Variants in RYR2 observed in about 807,000 individuals in gnomAD.
RYR2 encodes the protein cardiac muscle ryanodine receptor-calcium release channel.
Under a neutral mutation model 601.1 loss-of-function variants are expected in RYR2, and 227 were observed. That is an observed-to-expected ratio of 0.38 (90% CI 0.34 to 0.42). The LOEUF is 0.42. Among genes scored for constraint, RYR2 ranks in the 10% least tolerant of loss-of-function variants. The pLI is 1.00. For synonymous variants in RYR2, 2,223 were observed against 2,175.1 expected, an observed-to-expected ratio of 1.02 and a Z score of -0.61; for missense variants, 4,646 against 6,156.5, an observed-to-expected ratio of 0.75 and a Z score of 8.21.
chr1:237,268,155 G>A (rs1689254501), intron 1 of RYR2, among the ~76,000 whole-genome samples: 1 of 152,032 alleles, frequency 6.6e-6, no homozygotes, highest in South Asian at 2.1e-4. Flanking sequence ...ACTGTCTTTA[G>A]TTAGTTATTA....
intron 77 of RYR2, among the ~76,000 whole-genome samples, chr1:237,731,065 T>C (rs1249433681): frequency 6.6e-6 from 1 of 152,214 alleles, no homozygotes; most frequent in African/African-American, 2.4e-5. Context: ...ATATAATGGA[T>C]AAATTAATCT....
chr1:237,312,136 A>G (rs1694640192), intron 2 of RYR2, among the ~76,000 whole-genome samples: 1 of 152,206 alleles, frequency 6.6e-6, no homozygotes, highest in African/African-American at 2.4e-5. Flanking sequence ...TTCTTTGGTA[A>G]AAGCAAGGAT....
At chr1:237,554,019 G>T (rs960773630) in intron 27 of RYR2, among the ~76,000 whole-genome samples, 1 of 151,660 alleles carries the variant, frequency 6.6e-6, no homozygotes, top group Non-Finnish European at 1.5e-5. Flanking sequence ...TTGATTTATT[G>T]AACTGGTAAA....
At chr1:237,604,457 CAA>C (rs947941786) in intron 35 of RYR2, among the ~76,000 whole-genome samples, 6 of 152,078 alleles carry the variant, frequency 3.9e-5, no homozygotes, top group African/African-American at 9.7e-5. Context: ...CTAATGCCCA[CAA>C]GAGAGAGCAG....
At chr1:237,116,775 C>T (rs1395430760) in intron 1 of RYR2, among the ~76,000 whole-genome samples, 1 of 152,028 alleles carries the variant, frequency 6.6e-6, no homozygotes, top group Non-Finnish European at 1.5e-5. Flanking sequence ...GATGTCGTAG[C>T]TCAAGCAGTG....
intron 1 of RYR2, among the ~76,000 whole-genome samples, chr1:237,163,355 A>ACCCCCCCCCCC (rs67343728): frequency 2.4e-4 from 22 of 90,312 alleles, no homozygotes; most frequent in African/African-American, 5.3e-4. Flanking sequence ...CCAACCCCCT[A>ACCCCCCCCCCC]CCCCCCCCAC....
intron 84 of RYR2, among the ~76,000 whole-genome samples, chr1:237,768,976 T>C (rs1368113428): frequency 6.6e-6 from 1 of 152,220 alleles, no homozygotes; most frequent in Non-Finnish European, 1.5e-5. Flanking sequence ...CGACAATAAA[T>C]AAAACCTTAT....
intron 58 of RYR2, among the ~76,000 whole-genome samples, chr1:237,669,397 C>T (rs1165901562): frequency 6.6e-6 from 1 of 152,094 alleles, no homozygotes; most frequent in Non-Finnish European, 1.5e-5. Context: ...TTGGGTACAC[C>T]TCCCAGACGG....
At position 237,678,031 on chromosome 1, in the gene RYR2, A is replaced by G. The variant is rs977013627; in HGVS notation, c.8831-17A>G. 1.3e-6 allele frequency: 2 copies of G among 1,546,814 alleles called. No homozygotes were observed. The highest frequency in any genetic ancestry group is 8.9e-7 in the Non-Finnish European group (1 of 1,120,912). On this transcript the variant is annotated splice_polypyrimidine_tract_variant and intron_variant, in intron 60 of 104. Coordinates refer to ENST00000366574, the MANE Select transcript of RYR2 (RefSeq NM_001035.3). ...TTTCCAGTGCAGCATTTACCTAAAA[A>G]CTCTTCAAATCTACAGATGGTGGCA...
At chr1:237,517,078 C>T (rs12745344) in intron 24 of RYR2, among the ~76,000 whole-genome samples, 5 of 152,310 alleles carry the variant, frequency 3.3e-5, no homozygotes, top group Admixed American at 1.3e-4. Context: ...TGACACCCCT[C>T]CTGTTTGTCA....
At chr1:237,335,596 T>G (rs578026321) in intron 3 of RYR2, among the ~76,000 whole-genome samples, 2 of 152,166 alleles carry the variant, frequency 1.3e-5, no homozygotes, top group Non-Finnish European at 2.9e-5. Flanking sequence ...GTCTTTCGGG[T>G]GAATTATTTC....
Position 237,091,352 on chromosome 1 carries a change from G to A in RYR2, c.48+48783G>A, listed in dbSNP as rs181447807. ...CCCTTAGGAAATGACTTACCCTAAG[G>A]AGGGTGCCATTCCCAAATCTCTGTT... On this transcript the variant is annotated intron_variant, in intron 1 of 104. Coordinates refer to ENST00000366574, the MANE Select transcript of RYR2 (RefSeq NM_001035.3). 4.2e-3 allele frequency among the ~76,000 whole-genome samples: 636 copies of A among 151,390 alleles called. 2 individuals are homozygous for A. The highest frequency in any genetic ancestry group is 0.017 in the Middle Eastern group (5 of 294).
chr1:237,548,420 C>G lies in RYR2; in HGVS notation c.2907-11C>G, dbSNP rs1440553544. On this transcript the variant is annotated splice_polypyrimidine_tract_variant and intron_variant, in intron 25 of 104. Transcript: ENST00000366574. ...CAATTATACACAAATTTCTTTGTCT[C>G]TGATTTGTAGTTACCAGCTGACAAG... 3 of 1,611,266 alleles carry G rather than the reference C, an allele frequency of 1.9e-6. No homozygotes were observed. In the Admixed American group the frequency reaches 5.0e-5, roughly 27 times the overall value.
At chr1:237,775,347 A>C (rs1694581014) in intron 87 of RYR2, among the ~76,000 whole-genome samples, 1 of 152,078 alleles carries the variant, frequency 6.6e-6, no homozygotes, top group South Asian at 2.1e-4. Context: ...CTTTATTTTG[A>C]TTTTACTAGT....
At chr1:237,556,279 A>ATATTATTATTAT (rs57036969) in intron 27 of RYR2, among the ~76,000 whole-genome samples, 122 of 142,928 alleles carry the variant, frequency 8.5e-4, no homozygotes, top group Non-Finnish European at 1.4e-3. Flanking sequence ...ATTTTTTAAA[A>ATATTATTATTAT]TATTATTATT....
chr1:237,785,947 T>A (rs369098150), intron 90 of RYR2, 22 bp from the exon 91 acceptor site: 2 of 1,553,282 alleles, frequency 1.3e-6, no homozygotes, highest in Non-Finnish European at 1.8e-6. Flanking sequence ...CTGGTTTTCT[T>A]TTCCCCATTG....
chr1:237,796,863 C>T (rs1459477059), intron 96 of RYR2, among the ~76,000 whole-genome samples: 2 of 152,054 alleles, frequency 1.3e-5, no homozygotes, highest in Admixed American at 1.3e-4. Flanking sequence ...CAGCTCACTG[C>T]AATCTCCACC....
chr1:237,678,207 C>T, intron 61 of RYR2, 95 bp downstream of exon 61: 2 of 693,944 alleles, frequency 2.9e-6, no homozygotes, highest in Admixed American at 2.2e-5. Context: ...TACTTGTCTA[C>T]AAATGTGTAT....
At chr1:237,131,246 G>A (rs1350078533) in intron 1 of RYR2, among the ~76,000 whole-genome samples, 3 of 151,998 alleles carry the variant, frequency 2.0e-5, no homozygotes, top group Admixed American at 6.6e-5. Flanking sequence ...CTCAAACCCA[G>A]TTTAACTGTA....
Sources: allele counts gnomAD v4.1 joint callset (sites outside exome capture counted in the v4.1 genomes callset), GRCh38; gene constraint gnomAD v4.1.1; transcripts MANE v1.5; gene names NCBI Gene and HGNC (gene_info 2026-07-23, HGNC 2026-07-21).